The following RANBP17 variants were observed in gnomAD, a reference collection of about 807,000 sequenced individuals.
RANBP17 encodes RAN binding protein 17.
A neutral mutation model predicts 141.2 loss-of-function variants in RANBP17; 158 were observed. The ratio of observed to expected loss-of-function variants is 1.12; its 90% confidence interval spans 0.98 to 1.28. The LOEUF (loss-of-function observed/expected upper bound fraction) is 1.28, where lower values mean the gene tolerates loss of function less well. RANBP17 is among the 50% of genes most tolerant of loss of function. The pLI is 0.00. For synonymous variants in RANBP17, 430 were observed against 450.0 expected, an observed-to-expected ratio of 0.96 and a Z score of 0.56; for missense variants, 1,438 against 1,290.7, an observed-to-expected ratio of 1.11 and a Z score of -1.75.
At position 171,008,121 on chromosome 5, in the gene RANBP17, T is replaced by C. The variant is rs556683440; in HGVS notation, c.1710+39744T>C. Among the ~76,000 whole-genome samples, 17 of 152,356 alleles carry C rather than the reference T, an allele frequency of 1.1e-4. No homozygotes were observed. In the East Asian group the frequency reaches 3.3e-3, roughly 29 times the overall value. Reference sequence around the variant, plus strand: ...GATTAAACACCAAGGGAAGACTGTCTTCCTGAATCTGTGACCGGTGCCGGA... The same window carrying C: ...GATTAAACACCAAGGGAAGACTGTCCTCCTGAATCTGTGACCGGTGCCGGA... On this transcript the variant is annotated intron_variant, in intron 14 of 27. Transcript: ENST00000523189.
At chr5:171,147,395 T>TTG (rs1193108659) in intron 14 of RANBP17, among the ~76,000 whole-genome samples, 5 of 108,008 alleles carry the variant, frequency 4.6e-5, no homozygotes, top group African/African-American at 6.7e-5. Context: ...GTTTGTTTTT[T>TTG]TGTGTGTTTT....
At chr5:171,276,969 C>T (rs996576532) in intron 25 of RANBP17, among the ~76,000 whole-genome samples, 7 of 142,188 alleles carry the variant, frequency 4.9e-5, no homozygotes, top group African/African-American at 1.6e-4. Context: ...ATTTCTAACC[C>T]ATAGATTAAA....
chr5:171,007,255 A>G (rs1167814030), intron 14 of RANBP17, among the ~76,000 whole-genome samples: 2 of 152,174 alleles, frequency 1.3e-5, no homozygotes, highest in East Asian at 3.9e-4. Context: ...AAAAAGGCAC[A>G]CGTACCCTGA....
intron 12 of RANBP17, among the ~76,000 whole-genome samples, chr5:170,931,326 G>A (rs1773358530): frequency 6.6e-6 from 1 of 152,042 alleles, no homozygotes; most frequent in Non-Finnish European, 1.5e-5. Context: ...TTGTCAGATG[G>A]GTAGATTGTA....
chr5:171,240,241 A>G (rs1027317548), intron 22 of RANBP17, among the ~76,000 whole-genome samples: 4 of 152,192 alleles, frequency 2.6e-5, no homozygotes, highest in African/African-American at 7.2e-5. Context: ...TGTAAATGCT[A>G]ACTGTACTAC....
intron 14 of RANBP17, among the ~76,000 whole-genome samples, chr5:171,085,036 C>T (rs1374319356): frequency 1.9e-5 from 1 of 53,096 alleles, no homozygotes; most frequent in African/African-American, 7.1e-5. Context: ...AAGTCCTTGC[C>T]CATGCCTATG....
At chr5:170,984,705 T>G (rs6555934) in intron 14 of RANBP17, among the ~76,000 whole-genome samples, 93,008 of 151,984 alleles carry the variant, frequency 0.61, 29,839 homozygotes, top group South Asian at 0.88. Flanking sequence ...GGGTATAATT[T>G]AAAACGTTAA....
intron 14 of RANBP17, among the ~76,000 whole-genome samples, chr5:171,009,523 TAA>T (rs951278770): frequency 6.6e-6 from 1 of 152,210 alleles, no homozygotes; most frequent in Non-Finnish European, 1.5e-5. Context: ...ATCAGATTCA[TAA>T]AGTGATTTGT....
intron 20 of RANBP17, among the ~76,000 whole-genome samples, chr5:171,211,298 G>A (rs1762868647): frequency 6.6e-6 from 1 of 151,102 alleles, no homozygotes; most frequent in African/African-American, 2.4e-5. Context: ...GTCTCACTCT[G>A]TCACTCAGGC....
chr5:170,959,544 T>A (rs1431226362), intron 13 of RANBP17, among the ~76,000 whole-genome samples: 2 of 152,182 alleles, frequency 1.3e-5, no homozygotes, highest in Non-Finnish European at 2.9e-5. Context: ...ATTTGGCCCT[T>A]GAACAATGTG....
Position 171,002,344 on chromosome 5 carries a change from A to G in RANBP17, c.1710+33967A>G, listed in dbSNP as rs139184887. The stretch of plus-strand genomic sequence containing the variant: ...CTGGCCGTGAGGGACAGAAGTTGGA[A>G]TGCTAGCTGCTTCTTTAGCTACCTT... On this transcript the variant is annotated intron_variant, in intron 14 of 27. Coordinates refer to ENST00000523189, the MANE Select transcript of RANBP17 (RefSeq NM_022897.5). Among the ~76,000 whole-genome samples, 161 of 152,214 alleles carry G rather than the reference A, an allele frequency of 1.1e-3. 1 individual carries two copies. The East Asian group carries it at 0.025, about 24-fold the overall frequency.
intron 12 of RANBP17, among the ~76,000 whole-genome samples, chr5:170,927,317 G>A (rs1011361252): frequency 2.6e-5 from 4 of 151,996 alleles, no homozygotes; most frequent in Non-Finnish European, 4.4e-5. Flanking sequence ...TGTGCAGAAT[G>A]TGCAGGTTTG....
intron 13 of RANBP17, among the ~76,000 whole-genome samples, chr5:170,954,556 C>T (rs1775459202): frequency 6.7e-6 from 1 of 148,496 alleles, no homozygotes; most frequent in Non-Finnish European, 1.5e-5. Flanking sequence ...CCCAACCCCA[C>T]CCACCCACCT....
At chr5:171,283,556 T>C (rs1195082155) in intron 25 of RANBP17, among the ~76,000 whole-genome samples, 2 of 152,212 alleles carry the variant, frequency 1.3e-5, no homozygotes, top group Non-Finnish European at 2.9e-5. Context: ...TTCTGCATGG[T>C]TTAAATATAA....
intron 14 of RANBP17, among the ~76,000 whole-genome samples, chr5:171,102,449 A>G (rs567328488): frequency 6.6e-6 from 1 of 151,928 alleles, no homozygotes; most frequent in South Asian, 2.1e-4. Flanking sequence ...CCATCAGGTC[A>G]TTTATGTTCT....
rs771725828 is a variant in RANBP17, at chr5:170,878,137, T to C, written c.59T>C (p.Ile20Thr). ...GAAGTGTTATGTACTCATCTCTACATAGGGACTGATCTTACACAAAGAATA... is the reference window on the plus strand; with the variant it reads ...GAAGTGTTATGTACTCATCTCTACACAGGGACTGATCTTACACAAAGAATA... ...ELEVLCTHLYIGTDLTQRIEA... is the reference protein window; with the variant it reads ...ELEVLCTHLYTGTDLTQRIEA... The change falls in exon 2 of 28, where the codon ATA becomes ACA. Residue 20 changes from isoleucine to threonine, a missense_variant. Ile to Thr is a moderately conservative substitution (Grantham distance 89). Transcript: ENST00000523189. 19 of 1,612,194 alleles carry C rather than the reference T, an allele frequency of 1.2e-5. No individual in the cohort carries two copies. The South Asian group carries it at 2.1e-4, about 18-fold the overall frequency.
chr5:171,070,945 T>C (rs928740777), intron 14 of RANBP17, among the ~76,000 whole-genome samples: 16 of 152,218 alleles, frequency 1.1e-4, no homozygotes, highest in Non-Finnish European at 2.2e-4. Context: ...TTAAAATATA[T>C]ATGTATGTTA....
At chr5:170,892,583 A>C (rs749458069) in intron 4 of RANBP17, 30 bp downstream of exon 4, 36 of 1,586,886 alleles carry the variant, frequency 2.3e-5, no homozygotes, top group Non-Finnish European at 2.9e-5. Flanking sequence ...TGGTTAGAAC[A>C]TCACTACTTG....
chr5:171,206,224 G>T (rs1271843011), intron 20 of RANBP17: 3 of 159,774 alleles, frequency 1.9e-5, no homozygotes, highest in Admixed American at 1.8e-4. Context: ...GACAGACCCG[G>T]CTTAAAATCC....
Sources: allele counts gnomAD v4.1 joint callset (sites outside exome capture counted in the v4.1 genomes callset), GRCh38; gene constraint gnomAD v4.1.1; transcripts MANE v1.5; gene names NCBI Gene and HGNC (gene_info 2026-07-23, HGNC 2026-07-21).